The following PCBP3 variants were observed in gnomAD, a reference collection of about 807,000 sequenced individuals.
PCBP3 encodes poly(rC)-binding protein 3.
Under a neutral mutation model 52.7 loss-of-function variants are expected in PCBP3, and 25 were observed. That is an observed-to-expected ratio of 0.47 (90% confidence interval 0.35 to 0.66). The LOEUF is 0.66. PCBP3 is among the 30% of genes least tolerant of loss of function. PCBP3 has a pLI of 0.01. For synonymous variants in PCBP3, 162 were observed against 183.0 expected, an observed-to-expected ratio of 0.89 and a Z score of 0.93; for missense variants, 391 against 490.3, an observed-to-expected ratio of 0.80 and a Z score of 1.91.
intron 3 of PCBP3, among the ~76,000 whole-genome samples, chr21:45,742,882 A>G (rs1345001297): frequency 6.6e-6 from 1 of 152,218 alleles, no homozygotes; most frequent in Non-Finnish European, 1.5e-5. Context: ...TATTTCAAAA[A>G]ATATTTTGGT....
chr21:45,887,406 T>C (rs1603467278), intron 5 of PCBP3, among the ~76,000 whole-genome samples: 1 of 152,338 alleles, frequency 6.6e-6, no homozygotes, highest in Admixed American at 6.5e-5. Flanking sequence ...CTCAGCTGCG[T>C]CACCAGAGCA....
intron 13 of PCBP3, among the ~76,000 whole-genome samples, chr21:45,926,201 G>A (rs1468581234): frequency 6.6e-6 from 1 of 152,190 alleles, no homozygotes; most frequent in African/African-American, 2.4e-5. Flanking sequence ...CCTGTTGCCT[G>A]GTGACCTTGC....
intron 2 of PCBP3, among the ~76,000 whole-genome samples, chr21:45,690,046 A>G (rs1352285716): frequency 6.6e-6 from 1 of 152,198 alleles, no homozygotes; most frequent in Non-Finnish European, 1.5e-5. Context: ...GACCTAAAAC[A>G]GCCACAACTA....
chr21:45,715,850 T>C (rs763612877), intron 2 of PCBP3, among the ~76,000 whole-genome samples: 10 of 152,210 alleles, frequency 6.6e-5, no homozygotes, highest in Non-Finnish European at 1.0e-4. Flanking sequence ...TTTATTGTTC[T>C]AGGAATTCTT....
intron 5 of PCBP3, among the ~76,000 whole-genome samples, chr21:45,882,612 G>A (rs1281380585): frequency 6.6e-6 from 1 of 152,202 alleles, no homozygotes; most frequent in Non-Finnish European, 1.5e-5. Flanking sequence ...AACCAGTGTC[G>A]TGGAATTTTT....
chr21:45,784,986 G>T (rs981570922), intron 4 of PCBP3, among the ~76,000 whole-genome samples: 1 of 151,718 alleles, frequency 6.6e-6, no homozygotes, highest in Non-Finnish European at 1.5e-5. Context: ...GAGCGTCTCT[G>T]CCCGGCCGCC....
In PCBP3 at chr21:45,940,113, C is replaced by G. The variant is rs114536865; in HGVS notation, c.993C>G (p.Asn331Lys). ...CTGGAGCTCAGATCAAAATCGCCAA[C>G]GCCACGGAAGGGTCCTCAGAGCGTC... ...QMSGAQIKIA[N>K]ATEGSSERQI... is the part of the protein sequence containing the mutation. Residue 331 changes from asparagine to lysine, a missense_variant, in exon 17 of 18, where the codon AAC (asparagine) becomes AAG (lysine). Physicochemically the swap from Asn to Lys is moderately conservative, Grantham distance 94. Coordinates refer to ENST00000681687, the MANE Select transcript of PCBP3 (RefSeq NM_001384156.1). 5.6e-6 allele frequency: 9 copies of G among 1,614,162 alleles called. No homozygotes were observed. In the South Asian group the frequency reaches 9.9e-5, roughly 18 times the overall value.
intron 3 of PCBP3, among the ~76,000 whole-genome samples, chr21:45,742,393 C>A (rs557121468): frequency 7.9e-5 from 12 of 152,214 alleles, no homozygotes; most frequent in Non-Finnish European, 1.6e-4. Flanking sequence ...ACACTGAACA[C>A]ACATGGCTTA....
At chr21:45,941,541 A>G (rs2077470621) in intron 17 of PCBP3, 129 bp from the exon 18 acceptor site, 3 of 732,212 alleles carry the variant, frequency 4.1e-6, no homozygotes, top group Non-Finnish European at 6.8e-6. Context: ...CCAGCTCAGG[A>G]CCTCCTGAGC....
At chr21:45,691,735 A>G (rs2082495881) in intron 2 of PCBP3, among the ~76,000 whole-genome samples, 1 of 152,150 alleles carries the variant, frequency 6.6e-6, no homozygotes, top group Non-Finnish European at 1.5e-5. Flanking sequence ...AGTAATTCCA[A>G]ACATTGCCTA....
intron 4 of PCBP3, among the ~76,000 whole-genome samples, chr21:45,808,164 C>T (rs2092570315): frequency 6.6e-6 from 1 of 152,160 alleles, no homozygotes; most frequent in Non-Finnish European, 1.5e-5. Flanking sequence ...AAACCAAAAG[C>T]AATGGCAACA....
At chr21:45,854,418 C>T (rs1035062002) in intron 5 of PCBP3, among the ~76,000 whole-genome samples, 2 of 152,152 alleles carry the variant, frequency 1.3e-5, no homozygotes, top group African/African-American at 4.8e-5. Flanking sequence ...CCATTAAACC[C>T]TCCCTCCCCC....
intron 4 of PCBP3, among the ~76,000 whole-genome samples, chr21:45,757,897 T>A (rs1471119444): frequency 6.6e-6 from 1 of 152,036 alleles, no homozygotes; most frequent in Non-Finnish European, 1.5e-5. Context: ...ATTCTTTTTT[T>A]TTTTTTTGAG....
chr21:45,832,467 A>T (rs944560401), intron 4 of PCBP3: 15 of 152,168 alleles, frequency 9.9e-5, no homozygotes, highest in Admixed American at 3.3e-4. Flanking sequence ...CTTACTCAAG[A>T]TGTAGTCACT....
At chr21:45,846,132 ATG>A (rs1215217194) in intron 4 of PCBP3, among the ~76,000 whole-genome samples, 1 of 152,136 alleles carries the variant, frequency 6.6e-6, no homozygotes, top group African/African-American at 2.4e-5. Context: ...CACTGCAGGA[ATG>A]TGTCGTTCTG....
In PCBP3 at chr21:45,659,088, T is replaced by TA. The variant is rs148190910; in HGVS notation, c.-278-9776dup. ...TTTGTCAGTTTCATTGGTCTTTTTT[T>TA]AAAAAAAAAACTTTGGTTTCATTGT... On this transcript the variant is annotated intron_variant, in intron 1 of 17. Transcript: ENST00000681687. Among the ~76,000 whole-genome samples the TA allele has an allele frequency of 6.9e-3, 1,035 of 149,350 alleles. 3 individuals carry two copies. The highest frequency in any genetic ancestry group is 0.011 in the Non-Finnish European group (722 of 67,266).
Position 45,703,811 on chromosome 21 carries a change from C to T in PCBP3, c.-199-31581C>T, listed in dbSNP as rs2083279690. 2.0e-5 allele frequency among the ~76,000 whole-genome samples: 3 copies of T among 152,128 alleles called. No individual in the cohort carries two copies. The South Asian group carries it at 6.2e-4, about 32-fold the overall frequency. ...GGTGATACATCTCCTGGGGCTTGCT[C>T]ATGAACATGCATGTGACATGAAAAG... On this transcript the variant is annotated intron_variant, in intron 2 of 17. Coordinates refer to ENST00000681687, the MANE Select transcript of PCBP3 (RefSeq NM_001384156.1).
intron 11 of PCBP3, among the ~76,000 whole-genome samples, chr21:45,912,716 G>A (rs912217012): frequency 2.6e-5 from 4 of 152,028 alleles, no homozygotes; most frequent in Non-Finnish European, 5.9e-5. Context: ...TGCCTGGGTG[G>A]GGGTCGAGGG....
chr21:45,702,323 C>T (rs1303767068), intron 2 of PCBP3, among the ~76,000 whole-genome samples: 4 of 152,152 alleles, frequency 2.6e-5, no homozygotes, highest in Admixed American at 6.5e-5. Context: ...ATTTTCCTAA[C>T]GTTAACACAT....
Sources: allele counts gnomAD v4.1 joint callset (sites outside exome capture counted in the v4.1 genomes callset), GRCh38; gene constraint gnomAD v4.1.1; transcripts MANE v1.5; gene names NCBI Gene and HGNC (gene_info 2026-07-23, HGNC 2026-07-21).